Variants in SUDS3 observed in about 807,000 individuals in gnomAD.
SUDS3 encodes the protein SIN3A corepressor complex component SDS3, also known as sin3 histone deacetylase corepressor complex component SDS3.
Under a neutral mutation model 53.5 loss-of-function variants are expected in SUDS3, and 23 were observed. The ratio of observed to expected loss-of-function variants is 0.43; its 90% CI spans 0.31 to 0.61. SUDS3 has a LOEUF of 0.61. Among genes scored for constraint, SUDS3 ranks in the 20% least tolerant of loss-of-function variants. The probability of loss-of-function intolerance (pLI) is 0.10; values close to 1 mark genes in which losing one functional copy is unlikely to be tolerated. For missense variants in SUDS3, 291 were observed against 405.9 expected (o/e 0.72, Z 2.43); for synonymous variants, 150 against 148.5 (o/e 1.01, Z -0.08).
intron 10 of SUDS3, among the ~76,000 whole-genome samples, chr12:118,407,987 C>T (rs144923323): frequency 0.031 from 4,706 of 151,136 alleles, 238 homozygotes; most frequent in African/African-American, 0.11. Context: ...CTGCAACCTC[C>T]GCCTCCCGAG....
At chr12:118,380,985 G>C (rs746936529) in intron 2 of SUDS3, among the ~76,000 whole-genome samples, 1 of 152,176 alleles carries the variant, frequency 6.6e-6, no homozygotes, top group Non-Finnish European at 1.5e-5. Context: ...TTACAGGCGC[G>C]AGCCACTGCG....
intron 4 of SUDS3, among the ~76,000 whole-genome samples, chr12:118,386,478 T>A (rs75197519): frequency 0.022 from 3,360 of 152,186 alleles, 122 homozygotes; most frequent in African/African-American, 0.076. Flanking sequence ...CATTTCTGCA[T>A]GGCTGGCCTG....
In SUDS3 at chr12:118,411,173, C is replaced by T. The variant is rs1333675440; in HGVS notation, c.888+16C>T. 1 of 1,577,306 alleles carries T rather than the reference C, an allele frequency of 6.3e-7. No individual in the cohort carries two copies. Among genetic ancestry groups the T allele is most frequent in the East Asian group, 2.3e-5 (1 of 43,158 alleles). ...AGCCAATGAGGTGGGAACCACACTC[C>T]CTCACCTTTAGGGAAGCAAAATGTG... On this transcript the variant is annotated intron_variant, in intron 11 of 11. Transcript: ENST00000543473.
At chr12:118,400,942 C>T (rs2046258066) in intron 7 of SUDS3, among the ~76,000 whole-genome samples, 188 bp downstream of exon 7, 1 of 152,156 alleles carries the variant, frequency 6.6e-6, no homozygotes, top group Non-Finnish European at 1.5e-5. Flanking sequence ...TCCTCATTTG[C>T]TACTGCTTTT....
chr12:118,387,094 C>G (rs937655670), intron 4 of SUDS3, among the ~76,000 whole-genome samples: 13 of 152,180 alleles, frequency 8.5e-5, no homozygotes, highest in Admixed American at 2.0e-4. Flanking sequence ...CAGTGAGAAG[C>G]TGCCCAGTGC....
At chr12:118,410,359 C>T (rs943693865) in intron 10 of SUDS3, among the ~76,000 whole-genome samples, 4 of 152,078 alleles carry the variant, frequency 2.6e-5, no homozygotes, top group Non-Finnish European at 5.9e-5. Context: ...GGTGTGGGGT[C>T]AGAAAGGGGA....
chr12:118,411,102 A>G lies in SUDS3; in HGVS notation c.833A>G (p.Glu278Gly), dbSNP rs1328220842. 1 of 1,605,944 alleles carries G rather than the reference A, an allele frequency of 6.2e-7. No homozygotes were observed. Among genetic ancestry groups the G allele is most frequent in the Non-Finnish European group, 8.5e-7 (1 of 1,176,372 alleles). ...CACAAGAGCCAGGCCATCTATCTGG[A>G]GTCAAAGGACAACCAGAAACTGAGC... ...WYHKSQAIYL[E>G]SKDNQKLSCV... The change falls in exon 11 of 12, where the codon GAG becomes GGG. Residue 278 changes from glutamate to glycine, a missense_variant. By Grantham distance (98) the Glu-to-Gly change is moderately conservative. Around this residue, in one of 4 missense-constraint regions of SUDS3, gnomAD observed 77 missense variants for 87.1 expected, o/e 0.88. Transcript: ENST00000543473.
chr12:118,382,966 C>T (rs907670313), intron 2 of SUDS3, among the ~76,000 whole-genome samples: 8 of 152,096 alleles, frequency 5.3e-5, no homozygotes, highest in African/African-American at 1.9e-4. Flanking sequence ...CCTTGCCTGG[C>T]CTCCCTTAGT....
intron 3 of SUDS3, 139 bp downstream of exon 3, chr12:118,384,206 A>C: frequency 1.2e-6 from 1 of 802,008 alleles, no homozygotes; most frequent in East Asian, 2.7e-5. Flanking sequence ...ACATTTTGCT[A>C]TCTTTTGCTG....
At chr12:118,412,042 T>G (rs1421936877) in intron 11 of SUDS3, among the ~76,000 whole-genome samples, 1 of 152,204 alleles carries the variant, frequency 6.6e-6, no homozygotes, top group Non-Finnish European at 1.5e-5. Context: ...TGAGATGTCC[T>G]ATTGTGCTTC....
intron 11 of SUDS3, among the ~76,000 whole-genome samples, chr12:118,413,842 T>C (rs771749663): frequency 1.3e-5 from 2 of 152,206 alleles, no homozygotes; most frequent in African/African-American, 4.8e-5. Flanking sequence ...CATTTTTCTA[T>C]TGTTGATATT....
chr12:118,385,656 T>C (rs1007498885), intron 3 of SUDS3, among the ~76,000 whole-genome samples: 3 of 152,218 alleles, frequency 2.0e-5, no homozygotes, highest in Admixed American at 1.3e-4. Flanking sequence ...AGTTCTTCGG[T>C]TCCACTAGCT....
chr12:118,412,038 G>A (rs2046364136), intron 11 of SUDS3, among the ~76,000 whole-genome samples: 1 of 152,142 alleles, frequency 6.6e-6, no homozygotes, highest in Non-Finnish European at 1.5e-5. Context: ...TAGCTGAGAT[G>A]TCCTATTGTG....
Position 118,376,723 on chromosome 12 carries a change from C to G in SUDS3, c.32C>G (p.Pro11Arg). 6.6e-7 allele frequency: 1 copy of G among 1,524,808 alleles called. No individual in the cohort carries two copies. The highest frequency in any genetic ancestry group is 2.6e-5 in the East Asian group (1 of 39,072). 94.5% of individuals were successfully genotyped at this position (1,524,808 alleles called of 1,614,324 possible). Residue 11 changes from proline (P) to arginine (R), a missense_variant, in exon 1 of 12, where the codon CCG becomes CGG. Around this residue, in one of 4 missense-constraint regions of SUDS3, gnomAD observed 149 missense variants for 146.5 expected, o/e 1.02. Coordinates refer to ENST00000543473, the MANE Select transcript of SUDS3 (RefSeq NM_022491.3). MSAAGLLAPA[P>R]AQAGAPPAPE... ...GCCGCGGGGCTGCTGGCCCCGGCCC[C>G]GGCCCAGGCTGGAGCGCCGCCGGCC...
rs746728903 is a variant in SUDS3, at chr12:118,400,663, T to G, written c.522T>G (p.Ser174=). ...CCCATTCCATTCTTGCCACAGATTC[T>G]ATGGAGGTGAAACCTATCATGACCA... ...EKLTMELTGD[S]MEVKPIMTRK... is the part of the protein sequence containing the mutation. Residue 174 remains serine, a synonymous_variant, in exon 7 of 12, where the codon TCT becomes TCG. Transcript: ENST00000543473. 12 of 1,613,808 alleles carry G rather than the reference T, an allele frequency of 7.4e-6. No individual in the cohort carries two copies. The highest frequency in any genetic ancestry group is 1.6e-4 in the Middle Eastern group (1 of 6,080).
chr12:118,376,646 T>C lies in SUDS3; in HGVS notation c.-46T>C, dbSNP rs1183282166. ...GCAGACGGCGAGTACCGAGCGCGGGTGGCCGCGGTGTCCGTGGGCCACGCT... is the reference window on the plus strand; with the variant it reads ...GCAGACGGCGAGTACCGAGCGCGGGCGGCCGCGGTGTCCGTGGGCCACGCT... On this transcript the variant is annotated 5_prime_UTR_variant, in exon 1 of 12. Transcript: ENST00000543473. 3 of 1,414,946 alleles carry C rather than the reference T, an allele frequency of 2.1e-6. No individual in the cohort carries two copies. Among genetic ancestry groups the C allele is most frequent in the Non-Finnish European group, 2.7e-6 (3 of 1,092,472 alleles). The allele number at this position is 1,414,946 out of a possible 1,614,324, so 87.6% of individuals were successfully genotyped here. A position where few individuals can be genotyped will look rare whatever the true frequency, so the allele number is the denominator to read the frequency against.
chr12:118,390,737 T>A (rs4767670), intron 5 of SUDS3, among the ~76,000 whole-genome samples: 17,513 of 152,286 alleles, frequency 0.12, 1,276 homozygotes, highest in Middle Eastern at 0.19. Flanking sequence ...TTACTAAATG[T>A]TGTTCCATTC....
intron 6 of SUDS3, among the ~76,000 whole-genome samples, chr12:118,395,049 C>T (rs560312893): frequency 1.3e-5 from 2 of 152,020 alleles, no homozygotes; most frequent in South Asian, 4.2e-4. Context: ...GTAAGTTTCA[C>T]GCGTATGCAA....
At chr12:118,382,878 G>C (rs1423957319) in intron 2 of SUDS3, among the ~76,000 whole-genome samples, 1 of 151,712 alleles carries the variant, frequency 6.6e-6, no homozygotes, top group East Asian at 1.9e-4. Context: ...ATGTTGGCCA[G>C]GTTGGTCTCG....
Sources: gnomAD v4.1 joint callset for allele counts (sites outside exome capture counted in the v4.1 genomes callset) on GRCh38, gnomAD v4.1.1 for gene constraint, gnomAD v4.1.1 regional missense constraint, MANE v1.5 for transcripts, NCBI Gene and HGNC (gene_info 2026-07-23, HGNC 2026-07-21) for gene names.